The following ZNF333 variants were observed in gnomAD, a reference collection of about 807,000 sequenced individuals.
ZNF333 encodes the protein zinc finger protein 333.
A neutral mutation model predicts 76.1 loss-of-function variants in ZNF333; 61 were observed. That is an observed-to-expected ratio of 0.80 (90% CI 0.65 to 0.99). ZNF333 has a LOEUF of 0.99. ZNF333 is among the 50% of genes least tolerant of loss of function. The pLI is 0.00. For synonymous variants in ZNF333, 284 were observed against 305.0 expected (o/e 0.93, Z 0.72); for missense variants, 717 against 822.4 (o/e 0.87, Z 1.57).
Position 14,720,279 on chromosome 19 carries a change from G to A in ZNF333, c.*954G>A. ...CTCCGGTCCTGGCTAGTATGAATAT[G>A]AGAAGTCACTGGATGTGACTCTGGG... is the stretch of plus-strand genomic sequence containing the variant. On this transcript the variant is annotated 3_prime_UTR_variant, in exon 12 of 12. Transcript: ENST00000292530. The A allele has an allele frequency of 1.0e-6, 1 of 985,418 alleles. No individual in the cohort carries two copies. The highest frequency in any genetic ancestry group is 1.2e-6 in the Non-Finnish European group (1 of 829,930). 61.0% of individuals were successfully genotyped at this position (985,418 alleles called of 1,614,324 possible).
rs752261455 is a variant in ZNF333, at chr19:14,695,110, A to C, written c.104A>C (p.Gln35Pro). 3.1e-6 allele frequency: 5 copies of C among 1,613,830 alleles called. No individual in the cohort carries two copies. In the African/African-American group the frequency reaches 5.3e-5, roughly 17 times the overall value. Residue 35 changes from glutamine (Q) to proline (P), a missense_variant, in exon 3 of 12, where the codon CAG (glutamine) becomes CCG (proline). Coordinates refer to ENST00000292530, the MANE Select transcript of ZNF333 (RefSeq NM_032433.4). The part of the protein sequence containing the change: ...RSLCKYRMLD[Q>P]CRTLASRGTP... ...CTGTGCAAATACAGGATGCTTGACC[A>C]GTGCAGGACCCTGGCCTCCAGGGGT...
At chr19:14,714,694 G>A (rs739805) in intron 7 of ZNF333, 2,271 of 152,942 alleles carry the variant, frequency 0.015, 53 homozygotes, top group East Asian at 0.093. Flanking sequence ...TGAGGATGCA[G>A]GGGATGAGGG....
intron 1 of ZNF333, among the ~76,000 whole-genome samples, chr19:14,693,014 A>T (rs928666061): frequency 2.0e-5 from 3 of 151,932 alleles, no homozygotes; most frequent in African/African-American, 7.3e-5. Context: ...TTTAGTAGAG[A>T]TGGGGTTTCA....
intron 4 of ZNF333, among the ~76,000 whole-genome samples, chr19:14,697,077 T>G (rs1339796051): frequency 6.6e-6 from 1 of 152,172 alleles, no homozygotes; most frequent in African/African-American, 2.4e-5. Flanking sequence ...AATACTGTTG[T>G]ATGGGAATTG....
At chr19:14,717,373 T>C in intron 10 of ZNF333, 1 of 541,480 alleles carries the variant, frequency 1.8e-6, no homozygotes, top group Non-Finnish European at 3.3e-6. Context: ...CTTGCTAATA[T>C]TTTTCCTCAA....
At chr19:14,732,273 C>T (rs1258079733) in exon 12 of ZNF333, 1 of 151,324 alleles carries the variant, frequency 6.6e-6, no homozygotes, top group Non-Finnish European at 1.5e-5. Flanking sequence ...CCTGCTTGAG[C>T]ATTTTTTAGG....
intron 11 of ZNF333, chr19:14,731,096 C>T: frequency 7.6e-7 from 1 of 1,309,870 alleles, no homozygotes; most frequent in Non-Finnish European, 1.1e-6. Context: ...CTGCCCCCTC[C>T]CCCCAAGGAT....
intron 5 of ZNF333, among the ~76,000 whole-genome samples, chr19:14,703,245 A>G (rs890329045): frequency 6.7e-6 from 1 of 149,566 alleles, no homozygotes; most frequent in African/African-American, 2.5e-5. Flanking sequence ...GTGAGAACTC[A>G]CTCACTATTT....
downstream of ZNF333, among the ~76,000 whole-genome samples, chr19:14,725,966 A>G (rs1033283067): frequency 2.6e-5 from 4 of 152,168 alleles, no homozygotes; most frequent in African/African-American, 7.2e-5. Context: ...GGGGAATCCA[A>G]TCCTAATAGA....
chr19:14,691,874 A>G (rs1020845656), intron 1 of ZNF333, among the ~76,000 whole-genome samples: 1 of 151,988 alleles, frequency 6.6e-6, no homozygotes, highest in African/African-American at 2.4e-5. Flanking sequence ...ACGGGGTTTC[A>G]CCATGTTGGC....
chr19:14,717,731 G>A lies in ZNF333; in HGVS notation c.898G>A (p.Gly300Arg), dbSNP rs780580025. The A allele has an allele frequency of 1.1e-5, 17 of 1,613,720 alleles. No individual in the cohort carries two copies. In the Admixed American group the frequency reaches 2.3e-4, roughly 22 times the overall value. The part of the protein sequence containing the change: ...FTEILSIDVK[G>R]EQPQPGEKLY... ...AGAGATCCTGTCCATTGATGTGAAA[G>A]GGGTAAGGCTCACCAGGGATTATTC... Residue 300 changes from glycine to arginine, a missense_variant and splice_region_variant, in exon 11 of 12, where the codon GGG becomes AGG. Coordinates refer to ENST00000292530, the MANE Select transcript of ZNF333 (RefSeq NM_032433.4).
At chr19:14,731,327 C>A (rs1242917877) in exon 12 of ZNF333, 2 of 809,650 alleles carry the variant, frequency 2.5e-6, no homozygotes, top group African/African-American at 1.7e-5. Context: ...TGGCCTTGGA[C>A]TTTCAAACTT....
At chr19:14,701,690 C>T in intron 5 of ZNF333, 1 of 985,450 alleles carries the variant, frequency 1.0e-6, no homozygotes, top group Non-Finnish European at 1.2e-6. Context: ...GGCTCCAGTG[C>T]CCTCCACAGA....
At chr19:14,724,855 G>A (rs779350855), downstream of ZNF333, among the ~76,000 whole-genome samples, 20 of 152,084 alleles carry the variant, frequency 1.3e-4, no homozygotes, top group Admixed American at 5.9e-4. Flanking sequence ...AATTCTTTCC[G>A]TGAAAATATT....
chr19:14,710,709 C>T (rs1404693485), intron 7 of ZNF333, among the ~76,000 whole-genome samples: 1 of 152,164 alleles, frequency 6.6e-6, no homozygotes, highest in Non-Finnish European at 1.5e-5. Context: ...ACCCGGAAGG[C>T]GGAGGTTGCA....
rs1180611568 is a variant in ZNF333, at chr19:14,698,935, T to TATATATATAC, written c.224-263_224-262insTATATATACA. ...ATATATATATATATATATATATATATACACACATATATATTTTCAATTTTA... is the reference window on the plus strand; with the variant it reads ...ATATATATATATATATATATATATATATATATATACACACACATATATATTTTCAATTTTA... On this transcript the variant is annotated intron_variant, in intron 4 of 11. Transcript: ENST00000292530. Among the ~76,000 whole-genome samples the TATATATATAC allele has an allele frequency of 4.3e-4, 60 of 139,342 alleles. 1 individual carries two copies. Among genetic ancestry groups the TATATATATAC allele is most frequent in the African/African-American group, 1.5e-3 (56 of 36,236 alleles). The allele number at this position is 139,342 out of a possible 152,430, so 91.4% of individuals were successfully genotyped here. A position where few individuals can be genotyped will look rare whatever the true frequency, so the allele number is the denominator to read the frequency against.
exon 12 of ZNF333, chr19:14,732,541 A>G (rs1382238877): frequency 6.6e-6 from 1 of 152,194 alleles, no homozygotes; most frequent in Non-Finnish European, 1.5e-5. Context: ...TGCTTCCATG[A>G]ACCTGAACAT....
At chr19:14,727,932 A>C (rs1207956603) in intron 11 of ZNF333, among the ~76,000 whole-genome samples, 2 of 152,174 alleles carry the variant, frequency 1.3e-5, no homozygotes, top group Admixed American at 6.5e-5. Flanking sequence ...AGTACTTAAA[A>C]ATATATTTGG....
chr19:14,725,538 A>T (rs1158020911), downstream of ZNF333, among the ~76,000 whole-genome samples: 1 of 152,228 alleles, frequency 6.6e-6, no homozygotes, highest in Non-Finnish European at 1.5e-5. Flanking sequence ...TGAGCCTGTG[A>T]AATCAAAGAC....
Sources: gnomAD v4.1 joint callset for allele counts (sites outside exome capture counted in the v4.1 genomes callset) on GRCh38, gnomAD v4.1.1 for gene constraint, MANE v1.5 for transcripts, NCBI Gene and HGNC (gene_info 2026-07-23, HGNC 2026-07-21) for gene names.